DEPTOR: variants seen among roughly 807,000 people sequenced by gnomAD.
DEPTOR encodes DEP domain containing MTOR interacting protein, also known as DEP domain-containing mTOR-interacting protein.
In DEPTOR, 41 loss-of-function variants were observed where a neutral mutation model predicts 41.6. The ratio of observed to expected loss-of-function variants is 0.98; its 90% CI spans 0.77 to 1.28. DEPTOR has a LOEUF of 1.28. Ranked by LOEUF, DEPTOR falls within the 50% of genes most tolerant of loss-of-function variation. The pLI is 0.00. For synonymous variants in DEPTOR, 195 were observed against 192.3 expected, an observed-to-expected ratio of 1.01 and a Z score of -0.12; for missense variants, 514 against 527.9, an observed-to-expected ratio of 0.97 and a Z score of 0.26.
At chr8:119,874,117 G>A in intron 1 of DEPTOR, 149 bp downstream of exon 1, 4 of 1,328,022 alleles carry the variant, frequency 3.0e-6, no homozygotes, top group Admixed American at 2.6e-5. Flanking sequence ...TCCTCGGTGC[G>A]CCCGCGCTTA....
intron 1 of DEPTOR, among the ~76,000 whole-genome samples, chr8:119,888,630 C>A (rs988478286): frequency 6.6e-6 from 1 of 152,080 alleles, no homozygotes; most frequent in South Asian, 2.1e-4. Context: ...CCGAGGCAGG[C>A]AGATGGCTTG....
intron 2 of DEPTOR, among the ~76,000 whole-genome samples, chr8:119,928,951 T>C (rs775112254): frequency 1.3e-5 from 2 of 152,234 alleles, no homozygotes; most frequent in African/African-American, 2.4e-5. Flanking sequence ...CTTTAAGGAA[T>C]GCATCATATT....
At chr8:120,007,544 G>A (rs1369929972) in intron 7 of DEPTOR, among the ~76,000 whole-genome samples, 1 of 152,048 alleles carries the variant, frequency 6.6e-6, no homozygotes, top group Non-Finnish European at 1.5e-5. Flanking sequence ...CAGCATCACC[G>A]CACCCACTCC....
intron 1 of DEPTOR, among the ~76,000 whole-genome samples, chr8:119,887,767 A>G (rs1323383548): frequency 6.6e-6 from 1 of 151,232 alleles, no homozygotes; most frequent in Non-Finnish European, 1.5e-5. Context: ...AGCCTCCCCA[A>G]GTGCTAGGAT....
At chr8:120,004,674 T>C (rs73705874) in intron 6 of DEPTOR, among the ~76,000 whole-genome samples, 23,078 of 152,112 alleles carry the variant, frequency 0.15, 2,837 homozygotes, top group African/African-American at 0.33. Flanking sequence ...TTTACTGTTA[T>C]GCAGGCAGAA....
chr8:119,991,030 T>TTTTCTTTCTTTCTTTCTTTCTTTCTTTC (rs747315642), intron 4 of DEPTOR, among the ~76,000 whole-genome samples: 82 of 53,688 alleles, frequency 1.5e-3, no homozygotes, highest in Admixed American at 1.8e-3. Flanking sequence ...TCGGGTTTTC[T>TTTTCTTTCTTTCTTTCTTTCTTTCTTTC]TTTCTTTCTT....
intron 3 of DEPTOR, among the ~76,000 whole-genome samples, chr8:119,936,077 T>C (rs1162691331): frequency 6.6e-6 from 1 of 151,418 alleles, no homozygotes; most frequent in African/African-American, 2.4e-5. Context: ...CTACTATTAG[T>C]CTCTTTATCC....
At chr8:119,930,032 C>G (rs766024545) in intron 3 of DEPTOR, 94 bp downstream of exon 3, 3 of 1,432,888 alleles carry the variant, frequency 2.1e-6, no homozygotes, top group Non-Finnish European at 2.8e-6. Flanking sequence ...CGTGGCTTTT[C>G]TATGTGGGCT....
At chr8:119,938,741 C>G (rs1463700822) in intron 3 of DEPTOR, among the ~76,000 whole-genome samples, 2 of 151,976 alleles carry the variant, frequency 1.3e-5, no homozygotes, top group Non-Finnish European at 2.9e-5. Flanking sequence ...GAGTTCTGGC[C>G]TCAAGTGATC....
intron 3 of DEPTOR, among the ~76,000 whole-genome samples, chr8:119,930,490 G>A (rs532196559): frequency 6.9e-4 from 105 of 152,254 alleles, no homozygotes; most frequent in Non-Finnish European, 1.4e-3. Context: ...ACCAACTTCG[G>A]CCTCCCAAAG....
At chr8:120,001,135 G>C (rs1022847226) in intron 4 of DEPTOR, among the ~76,000 whole-genome samples, 1 of 152,044 alleles carries the variant, frequency 6.6e-6, no homozygotes, top group Non-Finnish European at 1.5e-5. Context: ...TGGGCAATGG[G>C]GACACATGAG....
chr8:119,946,416 A>G (rs956269850), intron 3 of DEPTOR, among the ~76,000 whole-genome samples: 1 of 150,704 alleles, frequency 6.6e-6, no homozygotes, highest in South Asian at 2.1e-4. Context: ...TGGAACCACC[A>G]CCCAAATAGT....
At chr8:119,878,975 T>C (rs1185891653) in intron 1 of DEPTOR, among the ~76,000 whole-genome samples, 1 of 151,806 alleles carries the variant, frequency 6.6e-6, no homozygotes, top group Non-Finnish European at 1.5e-5. Context: ...CCAGGCGTGG[T>C]GGCACATGCC....
intron 8 of DEPTOR, among the ~76,000 whole-genome samples, chr8:120,038,054 G>A (rs1337787495): frequency 2.8e-5 from 4 of 145,220 alleles, no homozygotes; most frequent in African/African-American, 1.0e-4. Flanking sequence ...ATCGCTTGAG[G>A]CCAGGAGTTC....
chr8:120,020,873 A>G (rs573554170), intron 8 of DEPTOR, among the ~76,000 whole-genome samples: 1 of 152,072 alleles, frequency 6.6e-6, no homozygotes, highest in African/African-American at 2.4e-5. Context: ...AGCCTGGCCA[A>G]TGTGGCGAAA....
chr8:119,950,161 C>A (rs1186177684), intron 3 of DEPTOR, among the ~76,000 whole-genome samples: 1 of 152,110 alleles, frequency 6.6e-6, no homozygotes, highest in African/African-American at 2.4e-5. Flanking sequence ...GGCCTTGGCA[C>A]CCTTGTTGAA....
intron 3 of DEPTOR, among the ~76,000 whole-genome samples, chr8:119,930,193 T>C (rs997253537): frequency 6.6e-6 from 1 of 152,202 alleles, no homozygotes; most frequent in Admixed American, 6.5e-5. Context: ...AGCTCCAGAA[T>C]TTTTGTTTAC....
chr8:119,916,290 T>G (rs1481616736), intron 1 of DEPTOR, among the ~76,000 whole-genome samples: 26 of 149,250 alleles, frequency 1.7e-4, no homozygotes, highest in African/African-American at 5.2e-4. Context: ...TTTTTTTTTT[T>G]TTTTTTTTTT....
At chr8:119,959,158 C>CTTTTTTTTTTTTTTTTTT (rs60202859) in intron 3 of DEPTOR, among the ~76,000 whole-genome samples, 119 of 114,828 alleles carry the variant, frequency 1.0e-3, no homozygotes, top group Non-Finnish European at 1.4e-3. Flanking sequence ...TTCTTTCTTT[C>CTTTTTTTTTTTTTTTTTT]TTTTTTTTTT....
Sources: gnomAD v4.1 joint callset for allele counts (sites outside exome capture counted in the v4.1 genomes callset) on GRCh38, gnomAD v4.1.1 for gene constraint, MANE v1.5 for transcripts, NCBI Gene and HGNC (gene_info 2026-07-23, HGNC 2026-07-21) for gene names.